Variants in MACF1 observed in about 807,000 individuals in gnomAD.
MACF1 encodes microtubule actin crosslinking factor 1, also known as microtubule-actin cross-linking factor 1.
A neutral mutation model predicts 854.8 loss-of-function variants in MACF1; 193 were observed. That is an observed-to-expected ratio of 0.23 (90% CI 0.20 to 0.25). MACF1 has a LOEUF of 0.25. MACF1 is among the 10% of genes least tolerant of loss of function. The pLI is 1.00. For synonymous variants in MACF1, 3,185 were observed against 3,226.7 expected (o/e 0.99, Z 0.44); for missense variants, 7,722 against 8,929.1 (o/e 0.86, Z 5.45).
At position 39,250,235 on chromosome 1, in the gene MACF1, G is replaced by A. The variant is rs1034130934; in HGVS notation, c.261+132G>A. 5 of 521,448 alleles carry A rather than the reference G, an allele frequency of 9.6e-6. No homozygotes were observed. In the South Asian group the frequency reaches 1.5e-4, roughly 16 times the overall value. 32.3% of individuals were successfully genotyped at this position (521,448 alleles called of 1,614,324 possible). On this transcript the variant is annotated intron_variant, in intron 3 of 100. Transcript: ENST00000564288. Reference sequence around the variant, plus strand: ...AGGGGAGGAAGAAGTAGAAGGAAATGTTGGGGGACTTTATTTCTAACTCAG... The same window carrying A: ...AGGGGAGGAAGAAGTAGAAGGAAATATTGGGGGACTTTATTTCTAACTCAG...
intron 2 of MACF1, among the ~76,000 whole-genome samples, chr1:39,091,178 T>C (rs1375977048): frequency 1.3e-5 from 2 of 152,188 alleles, no homozygotes; most frequent in African/African-American, 2.4e-5. Flanking sequence ...GGCTTTTGCC[T>C]TGTGGTCAGG....
intron 58 of MACF1, among the ~76,000 whole-genome samples, chr1:39,403,073 G>C (rs1020954992): frequency 7.4e-6 from 1 of 135,006 alleles, no homozygotes; most frequent in Non-Finnish European, 1.5e-5. Context: ...TTTTTTTTTT[G>C]TTTGGTTGTT....
rs532034141 is a variant in MACF1, at chr1:39,196,477, G to A, written c.221-34705G>A. ...CAGTTAGATGCCTAGTGTACTCATG[G>A]GAGGGGACAGATGACAAGAGTTTCA... is the stretch of plus-strand genomic sequence containing the variant. On this transcript the variant is annotated intron_variant, in intron 2 of 93. Coordinates refer to the MACF1 transcript ENST00000361689. Among the ~76,000 whole-genome samples the A allele has an allele frequency of 1.4e-4, 21 of 152,280 alleles. 1 individual carries two copies. Among genetic ancestry groups the A allele is most frequent in the Admixed American group, 5.2e-4 (8 of 15,292 alleles).
intron 58 of MACF1, among the ~76,000 whole-genome samples, chr1:39,401,643 A>C (rs1642480692): frequency 6.6e-6 from 1 of 152,252 alleles, no homozygotes; most frequent in African/African-American, 2.4e-5. Context: ...ATATGAGTCA[A>C]GGAAAGAAGA....
At chr1:39,412,081 T>A in intron 58 of MACF1, 1 of 1,614,018 alleles carries the variant, frequency 6.2e-7, no homozygotes, top group South Asian at 1.1e-5. Flanking sequence ...ACTGCTGAAC[T>A]CTGATCACAG....
chr1:39,133,717 G>A (rs1426702054), intron 2 of MACF1, among the ~76,000 whole-genome samples: 1 of 152,146 alleles, frequency 6.6e-6, no homozygotes, highest in Non-Finnish European at 1.5e-5. Flanking sequence ...AGTTTTGTGT[G>A]ATGAGAATAT....
Position 39,340,593 on chromosome 1 carries a change from T to A in MACF1, c.10307T>A (p.Val3436Asp), listed in dbSNP as rs1335576401. 1.9e-6 allele frequency: 3 copies of A among 1,614,160 alleles called. No individual in the cohort carries two copies. The highest frequency in any genetic ancestry group is 1.7e-5 in the Admixed American group (1 of 60,020). ...NQIIISQPQE[V>D]PAQLLKALEK... is the part of the protein sequence containing the mutation. ...ATTATCATCAGCCAGCCTCAAGAAG[T>A]TCCTGCTCAACTGTTGAAGGCTCTA... Residue 3436 changes from valine to aspartate, a missense_variant, in exon 39 of 101, where the codon GTT becomes GAT. Physicochemically the swap from Val to Asp is radical, Grantham distance 152. This residue lies in a region of MACF1 where 854 missense variants were observed against 852.6 expected (regional missense o/e 1.00). Coordinates refer to ENST00000564288, the MANE Select transcript of MACF1 (RefSeq NM_001394062.1).
At chr1:39,385,384 T>A in intron 56 of MACF1, 50 bp from the exon 57 acceptor site, 1 of 1,588,598 alleles carries the variant, frequency 6.3e-7, no homozygotes, top group Non-Finnish European at 8.6e-7. Context: ...TGCTTTTAGA[T>A]AGATCTGTTT....
At chr1:39,088,336 G>A (rs962010152) in intron 2 of MACF1, among the ~76,000 whole-genome samples, 3 of 152,126 alleles carry the variant, frequency 2.0e-5, no homozygotes, top group Admixed American at 1.3e-4. Flanking sequence ...TGATCCGCTT[G>A]CCTTGGCCTT....
chr1:39,295,190 GGTT>G, intron 19 of MACF1, 40 bp downstream of exon 19: 1 of 1,514,284 alleles, frequency 6.6e-7, no homozygotes, highest in Non-Finnish European at 9.2e-7. Flanking sequence ...AATGCTGAGA[GGTT>G]GTTGTTATAA....
At chr1:39,415,784 C>T (rs898213884) in intron 58 of MACF1, among the ~76,000 whole-genome samples, 8 of 152,220 alleles carry the variant, frequency 5.3e-5, no homozygotes, top group South Asian at 2.1e-4. Flanking sequence ...CAGTTAATTA[C>T]CCAGGTTTGA....
rs1646588403 is a variant in MACF1 at position 39,325,285 on chromosome 1, A to G, written c.4478+551A>G. ...AGAACCCAAGAAAGAACAGAGTTCC[A>G]AAAAGGAGAGAAGTTCAGAAGTCAA... is the stretch of plus-strand genomic sequence containing the variant. On this transcript the variant is annotated intron_variant, in intron 35 of 100. Coordinates refer to ENST00000564288, the MANE Select transcript of MACF1 (RefSeq NM_001394062.1). Among the ~76,000 whole-genome samples the G allele has an allele frequency of 1.3e-5, 2 of 152,220 alleles. 1 individual carries two copies. Among genetic ancestry groups the G allele is most frequent in the Non-Finnish European group, 2.9e-5 (2 of 68,038 alleles).
chr1:39,332,921 T>C lies in MACF1; in HGVS notation c.6333T>C (p.Gly2111=). ...TAGAGGTACAAAGGCAGTTGATAGG[T>C]ACCCAAAGGGAAGACCAAACAGCAG... ...VKLEVQRQLI[G]TQREDQTAVS... is the part of the protein sequence containing the mutation. The change falls in exon 37 of 101, where the codon GGT becomes GGC. Residue 2111 remains glycine, a synonymous_variant. Transcript: ENST00000564288. 1 of 1,614,086 alleles carries C rather than the reference T, an allele frequency of 6.2e-7. No individual in the cohort carries two copies. Among genetic ancestry groups the C allele is most frequent in the Non-Finnish European group, 8.5e-7 (1 of 1,180,014 alleles).
intron 6 of MACF1, among the ~76,000 whole-genome samples, chr1:39,259,602 TTTC>T (rs1241874414): frequency 6.6e-6 from 1 of 151,798 alleles, no homozygotes; most frequent in African/African-American, 2.4e-5. Context: ...TCTTTTCTTT[TTTC>T]TTTTTCTTTT....
chr1:39,347,157 G>A lies in MACF1; in HGVS notation c.10762G>A (p.Val3588Met). ...QDILEQTAAQ[V>M]DALQGHLQQM... ...CATTTTGGAACAGACTGCCGCTCAG[G>A]TGGATGCCTTGCAGGGCCATCTTCA... The change falls in exon 41 of 101, where the codon GTG (valine) becomes ATG (methionine). Residue 3588 changes from valine (V) to methionine (M), a missense_variant. Physicochemically the swap from Val to Met is conservative, Grantham distance 21. Around this residue, in one of 15 missense-constraint regions of MACF1, gnomAD observed 854 missense variants for 852.6 expected, o/e 1.00. Transcript: ENST00000564288. The A allele has an allele frequency of 1.2e-6, 2 of 1,614,128 alleles. No homozygotes were observed. Among genetic ancestry groups the A allele is most frequent in the Non-Finnish European group, 8.5e-7 (1 of 1,180,014 alleles).
Position 39,316,586 on chromosome 1 carries a change from A to G in MACF1, c.3588+57A>G. On this transcript the variant is annotated intron_variant, in intron 28 of 100. Transcript: ENST00000564288. ...CCTAACATATTCATTGCTTTGGGTTAGCAGAGAAATGCAATTTTGGATGGC... is the reference window on the plus strand; with the variant it reads ...CCTAACATATTCATTGCTTTGGGTTGGCAGAGAAATGCAATTTTGGATGGC... The G allele has an allele frequency of 1.3e-6, 2 of 1,541,284 alleles. 1 individual carries two copies. The highest frequency in any genetic ancestry group is 1.8e-6 in the Non-Finnish European group (2 of 1,139,902).
chr1:39,422,222 C>G, intron 58 of MACF1, 152 bp from the exon 59 acceptor site: 3 of 570,368 alleles, frequency 5.3e-6, no homozygotes, highest in Non-Finnish European at 6.1e-6. Context: ...CACATGTTTT[C>G]TTGATGCTTC....
At chr1:39,372,778 A>G (rs1649359054) in intron 52 of MACF1, 182 bp downstream of exon 52, 1 of 521,520 alleles carries the variant, frequency 1.9e-6, no homozygotes, top group African/African-American at 2.0e-5. Context: ...ACATTGCTCC[A>G]TTTTGCAAAA....
chr1:39,087,010 G>A (rs1312641304), intron 2 of MACF1, among the ~76,000 whole-genome samples: 2 of 152,164 alleles, frequency 1.3e-5, no homozygotes, highest in African/African-American at 2.4e-5. Context: ...GCGGGACTGC[G>A]ACTTTAGGGT....
Sources: allele counts gnomAD v4.1 joint callset (sites outside exome capture counted in the v4.1 genomes callset), GRCh38; gene constraint gnomAD v4.1.1; regional missense constraint gnomAD v4.1.1; transcripts MANE v1.5; gene names NCBI Gene and HGNC (gene_info 2026-07-23, HGNC 2026-07-21).